KCNK10: variants seen among roughly 807,000 people sequenced by gnomAD.
KCNK10 encodes potassium two pore domain channel subfamily K member 10.
A neutral mutation model predicts 47.7 loss-of-function variants in KCNK10; 25 were observed. The ratio of observed to expected loss-of-function variants is 0.52; its 90% CI spans 0.38 to 0.73. KCNK10 has a LOEUF of 0.73. Among genes scored for constraint, KCNK10 ranks in the 30% least tolerant of loss-of-function variants. The probability of loss-of-function intolerance (pLI) is 0.00; values close to 1 mark genes in which losing one functional copy is unlikely to be tolerated. For missense variants in KCNK10, 563 were observed against 714.5 expected, an observed-to-expected ratio of 0.79 and a Z score of 2.42; for synonymous variants, 303 against 285.6, an observed-to-expected ratio of 1.06 and a Z score of -0.61.
At chr14:88,200,145 TTTC>T (rs1885059147) in intron 4 of KCNK10, among the ~76,000 whole-genome samples, 1 of 152,008 alleles carries the variant, frequency 6.6e-6, no homozygotes, top group Admixed American at 6.5e-5. Context: ...CTTTCCTTCC[TTTC>T]TTCTTTCCTT....
intron 1 of KCNK10, among the ~76,000 whole-genome samples, chr14:88,320,867 C>A (rs188208172): frequency 4.6e-5 from 7 of 152,138 alleles, no homozygotes; most frequent in Admixed American, 4.6e-4. Context: ...ACTCTTCCAA[C>A]CCCACAATGC....
chr14:88,289,898 C>G (rs749494559), intron 1 of KCNK10, among the ~76,000 whole-genome samples: 8 of 152,218 alleles, frequency 5.3e-5, no homozygotes, highest in Non-Finnish European at 1.0e-4. Flanking sequence ...GTGATTATTA[C>G]TAAGGGCATC....
At chr14:88,287,767 G>A (rs955104618) in intron 1 of KCNK10, among the ~76,000 whole-genome samples, 2 of 151,070 alleles carry the variant, frequency 1.3e-5, no homozygotes, top group East Asian at 2.0e-4. Flanking sequence ...GGGCATTTGG[G>A]CTGGTTCCAT....
intron 4 of KCNK10, among the ~76,000 whole-genome samples, chr14:88,225,798 G>T (rs1325041460): frequency 6.6e-6 from 1 of 152,220 alleles, no homozygotes; most frequent in South Asian, 2.1e-4. Context: ...AGCTAAAAGG[G>T]TGCTTCCAAG....
chr14:88,257,259 C>A (rs1886981982), intron 2 of KCNK10, among the ~76,000 whole-genome samples: 1 of 152,154 alleles, frequency 6.6e-6, no homozygotes, highest in African/African-American at 2.4e-5. Context: ...TTCCATCTTC[C>A]AAGCCTCGCT....
chr14:88,258,141 G>A (rs1035130922), intron 2 of KCNK10, among the ~76,000 whole-genome samples: 1 of 152,124 alleles, frequency 6.6e-6, no homozygotes, highest in African/African-American at 2.4e-5. Flanking sequence ...AATAGAAGCA[G>A]CAATAATAAT....
Position 88,279,970 on chromosome 14 carries a change from T to C in KCNK10, c.53-16419A>G, listed in dbSNP as rs151062766. On this transcript the variant is annotated intron_variant, in intron 1 of 6. Coordinates refer to ENST00000319231, the MANE Select transcript of KCNK10 (RefSeq NM_138317.3). The stretch of plus-strand genomic sequence containing the variant: ...TGCTGCTGCCATGTAAGAAGTGCCT[T>C]TCACCTCCCACCATGATTCTGGGGC... 2.6e-5 allele frequency among the ~76,000 whole-genome samples: 4 copies of C among 152,300 alleles called. No individual in the cohort carries two copies. The East Asian group carries it at 7.7e-4, about 29-fold the overall frequency.
At chr14:88,287,695 G>A (rs1398600299) in intron 1 of KCNK10, among the ~76,000 whole-genome samples, 1 of 81,178 alleles carries the variant, frequency 1.2e-5, no homozygotes, top group South Asian at 4.4e-4. Context: ...GTGTGTGTGT[G>A]TGTGTGTGTG....
intron 1 of KCNK10, among the ~76,000 whole-genome samples, chr14:88,271,364 C>T (rs1887401063): frequency 6.6e-6 from 1 of 152,208 alleles, no homozygotes; most frequent in Admixed American, 6.5e-5. Flanking sequence ...GTTAATCCTG[C>T]ATATGGAAGC....
At position 88,250,164 on chromosome 14, in the gene KCNK10, T is replaced by A. The variant is rs575470913; in HGVS notation, c.403-9344A>T. Among the ~76,000 whole-genome samples, 4 of 152,298 alleles carry A rather than the reference T, an allele frequency of 2.6e-5. No individual in the cohort carries two copies. In the East Asian group the frequency reaches 7.7e-4, roughly 29 times the overall value. ...TCTCATTTGCAAATTCATTTTCCAG[T>A]GGCATGCCAATTTCCATTACCTCTT... On this transcript the variant is annotated intron_variant, in intron 2 of 6. Coordinates refer to ENST00000319231, the MANE Select transcript of KCNK10 (RefSeq NM_138317.3).
rs1159471936 is a variant in KCNK10, at chr14:88,260,145, G to T, written c.402+3057C>A. Among the ~76,000 whole-genome samples the T allele has an allele frequency of 6.6e-6, 1 of 152,162 alleles. No individual in the cohort carries two copies. The highest frequency in any genetic ancestry group is 1.5e-5 in the Non-Finnish European group (1 of 68,042). The stretch of plus-strand genomic sequence containing the variant: ...TTAGGTAGAGATGGGGTTTCACCAT[G>T]TTGGCCAGGTTGGTCTCGAACTCCT... On this transcript the variant is annotated intron_variant, in intron 2 of 6. Coordinates refer to ENST00000319231, the MANE Select transcript of KCNK10 (RefSeq NM_138317.3). This position sits in a 1 kb window ranked among gnomAD's most constrained non-coding sequence, Gnocchi z 4.5.
chr14:88,241,929 C>T (rs1390597864), intron 2 of KCNK10, among the ~76,000 whole-genome samples: 14 of 152,180 alleles, frequency 9.2e-5, no homozygotes, highest in Admixed American at 8.5e-4. Flanking sequence ...TCTTTCAAGC[C>T]AGGGAAAAAG....
intron 1 of KCNK10, among the ~76,000 whole-genome samples, chr14:88,317,242 C>A (rs1438909231): frequency 6.6e-6 from 1 of 152,134 alleles, no homozygotes; most frequent in Non-Finnish European, 1.5e-5. Context: ...ATTTTCTTTC[C>A]AGGAAATCTA....
At chr14:88,251,094 G>A (rs187348747) in intron 2 of KCNK10, among the ~76,000 whole-genome samples, 85 of 151,922 alleles carry the variant, frequency 5.6e-4, no homozygotes, top group Non-Finnish European at 9.6e-4. Context: ...TTAGCTGGGC[G>A]TGGTGGTGCA....
At chr14:88,294,949 C>T (rs1338545533) in intron 1 of KCNK10, among the ~76,000 whole-genome samples, 1 of 152,184 alleles carries the variant, frequency 6.6e-6, no homozygotes, top group African/African-American at 2.4e-5. Context: ...TAATTCTCTT[C>T]AATGTATTTC....
At chr14:88,201,565 C>G (rs908654894) in intron 4 of KCNK10, among the ~76,000 whole-genome samples, 1 of 151,840 alleles carries the variant, frequency 6.6e-6, no homozygotes, top group African/African-American at 2.4e-5. Flanking sequence ...GAGGCTGAGG[C>G]AGGGGAATCG....
rs144714447 is a variant in KCNK10 at position 88,185,932 on chromosome 14, C to T, written c.1235G>A (p.Arg412His). The change falls in exon 7 of 7, where the codon CGC becomes CAC. Residue 412 changes from arginine to histidine, a missense_variant. Coordinates refer to ENST00000319231, the MANE Select transcript of KCNK10 (RefSeq NM_138317.3). The surrounding 1 kb of genome is among the most constrained non-coding windows in gnomAD (Gnocchi z 4.3). ...RSVFAALDTG[R>H]FKASSQESIN... ...GCTCTCCTGGGATGAGGCCTTGAAG[C>T]GGCCGGTGTCCAGGGCAGCAAAGAC... is the stretch of plus-strand genomic sequence containing the variant. 21 of 1,613,716 alleles carry T rather than the reference C, an allele frequency of 1.3e-5. No individual in the cohort carries two copies. Among genetic ancestry groups the T allele is most frequent in the Admixed American group, 1.0e-4 (6 of 59,982 alleles).
chr14:88,214,446 C>T (rs1041934256), intron 4 of KCNK10, among the ~76,000 whole-genome samples: 1 of 152,222 alleles, frequency 6.6e-6, no homozygotes, highest in South Asian at 2.1e-4. Flanking sequence ...CTATCTTTGC[C>T]TGGCAACTGC....
At position 88,186,191 on chromosome 14, in the gene KCNK10, A is replaced by T. The variant is rs764565453; in HGVS notation, c.1012-36T>A. On this transcript the variant is annotated intron_variant, in intron 6 of 6. Coordinates refer to ENST00000319231, the MANE Select transcript of KCNK10 (RefSeq NM_138317.3). This position sits in a 1 kb window ranked among gnomAD's most constrained non-coding sequence, Gnocchi z 5.5. Reference sequence around the variant, plus strand: ...GACAGAAGAGCAACAATATGCTGACAAATGCCTCCCTGCCTTGGCCTCCCA... The same window carrying T: ...GACAGAAGAGCAACAATATGCTGACTAATGCCTCCCTGCCTTGGCCTCCCA... The T allele has an allele frequency of 1.3e-6, 2 of 1,537,632 alleles. No homozygotes were observed. Among genetic ancestry groups the T allele is most frequent in the Non-Finnish European group, 1.8e-6 (2 of 1,141,180 alleles).
Sources: gnomAD v4.1 joint callset for allele counts (sites outside exome capture counted in the v4.1 genomes callset) on GRCh38, gnomAD v4.1.1 for gene constraint, Gnocchi (gnomAD v3.1) non-coding constraint, MANE v1.5 for transcripts, NCBI Gene and HGNC (gene_info 2026-07-23, HGNC 2026-07-21) for gene names.